Variants in TMEM131L observed in about 807,000 individuals in gnomAD.
The protein encoded by TMEM131L is transmembrane 131 like.
Under a neutral mutation model 192.2 loss-of-function variants are expected in TMEM131L, and 54 were observed. The ratio of observed to expected loss-of-function variants is 0.28; its 90% CI spans 0.23 to 0.35. The LOEUF (loss-of-function observed/expected upper bound fraction) is 0.35, where lower values mean the gene tolerates loss of function less well. TMEM131L is among the 10% of genes least tolerant of loss of function. TMEM131L has a pLI of 1.00. For synonymous variants in TMEM131L, 701 were observed against 704.9 expected (o/e 0.99, Z 0.09); for missense variants, 1,888 against 1,972.9 (o/e 0.96, Z 0.82).
chr4:153,635,079 G>A (rs937632044), intron 33 of TMEM131L, among the ~76,000 whole-genome samples: 9 of 151,528 alleles, frequency 5.9e-5, no homozygotes, highest in Admixed American at 4.6e-4. Context: ...AGGTTGGCAT[G>A]ACAGGTAATA....
chr4:153,591,650 C>T (rs975101559), intron 17 of TMEM131L, among the ~76,000 whole-genome samples: 5 of 152,112 alleles, frequency 3.3e-5, no homozygotes, highest in African/African-American at 9.7e-5. Context: ...AAGGGAAGGA[C>T]GTGCCTCCAG....
At chr4:153,537,723 C>G (rs910611985) in intron 3 of TMEM131L, among the ~76,000 whole-genome samples, 1 of 152,186 alleles carries the variant, frequency 6.6e-6, no homozygotes, top group Admixed American at 6.5e-5. Flanking sequence ...GACCTCTTAT[C>G]TCATCCAAGA....
intron 19 of TMEM131L, among the ~76,000 whole-genome samples, chr4:153,596,035 G>C (rs1171702788): frequency 6.6e-6 from 1 of 152,166 alleles, no homozygotes; most frequent in African/African-American, 2.4e-5. Context: ...TCCAGCATCT[G>C]TGTGAGGTTG....
chr4:153,543,651 T>C (rs998080345), intron 3 of TMEM131L, among the ~76,000 whole-genome samples: 1 of 152,212 alleles, frequency 6.6e-6, no homozygotes, highest in Non-Finnish European at 1.5e-5. Flanking sequence ...AGTTGCATAA[T>C]GGAAAAATAC....
chr4:153,568,089 G>A (rs1729342369), intron 7 of TMEM131L, among the ~76,000 whole-genome samples: 2 of 152,142 alleles, frequency 1.3e-5, no homozygotes, highest in Admixed American at 6.5e-5. Context: ...TCTGAATATA[G>A]CTTTTTTGTT....
Position 153,591,332 on chromosome 4 carries a change from T to C in TMEM131L, c.1812+138T>C, listed in dbSNP as rs1731053043. The stretch of plus-strand genomic sequence containing the variant: ...GATGTCAAAAGAACTAGATGAGCAG[T>C]AAAACTCTAAACAGACTGAAAATGC... On this transcript the variant is annotated intron_variant, in intron 17 of 34. Coordinates refer to ENST00000409959, the MANE Select transcript of TMEM131L (RefSeq NM_001131007.2). 5 of 688,400 alleles carry C rather than the reference T, an allele frequency of 7.3e-6. No homozygotes were observed. In the South Asian group the frequency reaches 1.5e-4, roughly 21 times the overall value. 42.6% of individuals were successfully genotyped at this position (688,400 alleles called of 1,614,324 possible).
At chr4:153,634,979 G>T (rs1734472044) in intron 33 of TMEM131L, among the ~76,000 whole-genome samples, 1 of 152,148 alleles carries the variant, frequency 6.6e-6, no homozygotes, top group South Asian at 2.1e-4. Flanking sequence ...GATTGTGAGG[G>T]TCTGTGTTCA....
intron 3 of TMEM131L, among the ~76,000 whole-genome samples, chr4:153,514,676 G>A (rs1734586786): frequency 6.6e-6 from 1 of 152,116 alleles, no homozygotes; most frequent in Admixed American, 6.5e-5. Context: ...TAGCTGGTAA[G>A]TGTAATGCCT....
At chr4:153,572,597 CT>C (rs1729662041) in intron 7 of TMEM131L, among the ~76,000 whole-genome samples, 1 of 152,164 alleles carries the variant, frequency 6.6e-6, no homozygotes, top group African/African-American at 2.4e-5. Context: ...TCCCAAAGTG[CT>C]GGTATTTCAG....
At chr4:153,561,777 C>T (rs2150518316) in intron 7 of TMEM131L, among the ~76,000 whole-genome samples, 1 of 152,172 alleles carries the variant, frequency 6.6e-6, no homozygotes, top group East Asian at 1.9e-4. Context: ...ATAGTTCTCT[C>T]CCATTAGTCA....
chr4:153,621,684 C>G lies in TMEM131L; in HGVS notation c.3694C>G (p.Pro1232Ala). 6.2e-7 allele frequency: 1 copy of G among 1,613,292 alleles called. No homozygotes were observed. The highest frequency in any genetic ancestry group is 1.1e-5 in the South Asian group (1 of 91,000). The change falls in exon 28 of 35, where the codon CCT becomes GCT. Residue 1232 changes from proline to alanine, a missense_variant and splice_region_variant. Pro to Ala is a conservative substitution (Grantham distance 27). Coordinates refer to ENST00000409959, the MANE Select transcript of TMEM131L (RefSeq NM_001131007.2). ...KKRGVAPVSRPPEQSDLKLVC... is the reference protein window; with the variant it reads ...KKRGVAPVSRAPEQSDLKLVC... ...TTTGTGTGTGTGTGTCTTTTCCAGG[C>G]CTCCTGAACAGAGTGATCTAAAGCT...
chr4:153,467,081 G>C, intron 1 of TMEM131L, 130 bp from the exon 2 acceptor site: 1 of 880,642 alleles, frequency 1.1e-6, no homozygotes, highest in Non-Finnish European at 1.8e-6. Context: ...CCCTGGGATG[G>C]CCTCTGTTCC....
chr4:153,503,266 G>A (rs1246480576), intron 3 of TMEM131L, among the ~76,000 whole-genome samples: 61 of 152,000 alleles, frequency 4.0e-4, no homozygotes, highest in Non-Finnish European at 1.5e-5. Flanking sequence ...TAGAATACGG[G>A]GGAACATTTC....
In TMEM131L at chr4:153,598,690, C is replaced by T; in HGVS notation, c.2224C>T (p.Arg742Ter). The change falls in exon 21 of 35, where the codon CGA becomes TGA. Residue 742 changes from arginine (R) to a stop codon, truncating the protein, a stop_gained. Coordinates refer to ENST00000409959, the MANE Select transcript of TMEM131L (RefSeq NM_001131007.2). LOFTEE classifies it high-confidence loss of function. Reference protein sequence around the residue: ...GRLPGAGGSLRFKVPESTLMD... With the variant: ...GRLPGAGGSL ...ACTTCCTGGTGCAGGAGGCTCACTCCGATTTAAGGTGCCCGAGTCCACGCT... is the reference window on the plus strand; with the variant it reads ...ACTTCCTGGTGCAGGAGGCTCACTCTGATTTAAGGTGCCCGAGTCCACGCT... The T allele has an allele frequency of 2.5e-6, 4 of 1,613,770 alleles. No individual in the cohort carries two copies. Among genetic ancestry groups the T allele is most frequent in the Non-Finnish European group, 3.4e-6 (4 of 1,179,876 alleles).
In TMEM131L at chr4:153,635,467, G is replaced by A. The variant is rs1171312802; in HGVS notation, c.4453G>A (p.Ala1485Thr). The A allele has an allele frequency of 6.2e-7, 1 of 1,613,862 alleles. No individual in the cohort carries two copies. Among genetic ancestry groups the A allele is most frequent in the East Asian group, 2.2e-5 (1 of 44,876 alleles). Residue 1485 changes from alanine (A) to threonine (T), a missense_variant, in exon 34 of 35, where the codon GCA becomes ACA. Transcript: ENST00000409959. ...MNYANGFPCP[A>T]DVQTDFIDHN... ...CTATGCCAATGGCTTCCCCTGTCCT[G>A]CAGATGTTCAGACAGACTTTATTGA...
rs59852943 is a variant in TMEM131L, at chr4:153,545,290, C to CTTTTT, written c.240-4772_240-4768dup. On this transcript the variant is annotated intron_variant, in intron 3 of 34. Transcript: ENST00000409959. The stretch of plus-strand genomic sequence containing the variant: ...CTCTTGTATCAGCCACTTTTTCAAA[C>CTTTTT]TTTTTTTTTTTTTTTGAGATGGAGT... 4.9e-4 allele frequency among the ~76,000 whole-genome samples: 65 copies of CTTTTT among 132,332 alleles called. 4 individuals carry two copies. Among genetic ancestry groups the CTTTTT allele is most frequent in the African/African-American group, 1.1e-3 (37 of 33,542 alleles). 86.8% of individuals were successfully genotyped at this position (132,332 alleles called of 152,430 possible). A position where few individuals can be genotyped will look rare whatever the true frequency, so the allele number is the denominator to read the frequency against.
At chr4:153,586,616 T>A (rs764412366) in intron 14 of TMEM131L, among the ~76,000 whole-genome samples, 1 of 152,210 alleles carries the variant, frequency 6.6e-6, no homozygotes, top group Non-Finnish European at 1.5e-5. Context: ...AAATAAGGCA[T>A]GACCAATAGA....
At chr4:153,527,355 C>G (rs1347551020) in intron 3 of TMEM131L, among the ~76,000 whole-genome samples, 2 of 152,096 alleles carry the variant, frequency 1.3e-5, no homozygotes, top group African/African-American at 4.8e-5. Flanking sequence ...TCACTGCAGC[C>G]TCCGCCTCCT....
chr4:153,533,002 T>G (rs889545543), intron 3 of TMEM131L, among the ~76,000 whole-genome samples: 7 of 151,004 alleles, frequency 4.6e-5, no homozygotes, highest in African/African-American at 1.7e-4. Flanking sequence ...TTTTTTTTTT[T>G]GAGACAGAGT....
Sources: allele counts gnomAD v4.1 joint callset (sites outside exome capture counted in the v4.1 genomes callset), GRCh38; gene constraint gnomAD v4.1.1; transcripts MANE v1.5; gene names NCBI Gene and HGNC (gene_info 2026-07-23, HGNC 2026-07-21).